WDR7: variants seen among roughly 807,000 people sequenced by gnomAD.
The protein encoded by WDR7 is WD repeat-containing protein 7.
A neutral mutation model predicts 169.4 loss-of-function variants in WDR7; 46 were observed. The ratio of observed to expected loss-of-function variants is 0.27; its 90% CI spans 0.21 to 0.35. The LOEUF is 0.35. WDR7 is among the 10% of genes least tolerant of loss of function. The pLI is 1.00. For missense variants in WDR7, 1,534 were observed against 1,859.3 expected (o/e 0.83, Z 3.22); for synonymous variants, 612 against 666.8 (o/e 0.92, Z 1.27).
At chr18:56,685,131 G>A (rs2025419551) in intron 5 of WDR7, among the ~76,000 whole-genome samples, 1 of 152,124 alleles carries the variant, frequency 6.6e-6, no homozygotes, top group Non-Finnish European at 1.5e-5. Flanking sequence ...TATTGATAAG[G>A]TTTTTATTTA....
chr18:56,974,362 C>CCTTTTTTT (rs754053234), intron 26 of WDR7, among the ~76,000 whole-genome samples: 2 of 111,816 alleles, frequency 1.8e-5, no homozygotes, highest in Non-Finnish European at 1.9e-5. Flanking sequence ...GCTTTTCTTG[C>CCTTTTTTT]TTTTTTTTTT....
chr18:56,823,920 A>G (rs1302273039), intron 20 of WDR7, among the ~76,000 whole-genome samples: 1 of 152,102 alleles, frequency 6.6e-6, no homozygotes, highest in South Asian at 2.1e-4. Context: ...TCATTCTCTT[A>G]TCTCATCCAG....
intron 14 of WDR7, among the ~76,000 whole-genome samples, chr18:56,746,326 A>G (rs1221654578): frequency 1.3e-5 from 2 of 152,212 alleles, no homozygotes; most frequent in African/African-American, 4.8e-5. Context: ...CTAAGCAGCA[A>G]TCAGCTCTGG....
intron 1 of WDR7, among the ~76,000 whole-genome samples, chr18:56,664,526 T>TC (rs1378701497): frequency 4.3e-5 from 2 of 46,644 alleles, no homozygotes; most frequent in African/African-American, 8.8e-5. Flanking sequence ...TTTTTTTTTT[T>TC]CTCCTTTTTT....
intron 21 of WDR7, among the ~76,000 whole-genome samples, chr18:56,888,258 A>G (rs1172288413): frequency 6.6e-6 from 1 of 152,190 alleles, no homozygotes; most frequent in Non-Finnish European, 1.5e-5. Context: ...CTTTTATGGG[A>G]GTTACACTTT....
At chr18:56,864,183 C>T (rs1477864239) in intron 20 of WDR7, among the ~76,000 whole-genome samples, 2 of 151,692 alleles carry the variant, frequency 1.3e-5, no homozygotes, top group African/African-American at 4.8e-5. Context: ...TAGAACATTT[C>T]TAAATATTAC....
At chr18:56,987,243 T>C (rs1033648872) in intron 26 of WDR7, among the ~76,000 whole-genome samples, 13 of 115,270 alleles carry the variant, frequency 1.1e-4, no homozygotes, top group African/African-American at 4.4e-4. Flanking sequence ...AACTGAGACA[T>C]AATCATCAGG....
intron 2 of WDR7, among the ~76,000 whole-genome samples, chr18:56,678,571 A>ACTGCAACC (rs2025291492): frequency 6.6e-6 from 1 of 151,942 alleles, no homozygotes; most frequent in Admixed American, 6.5e-5. Flanking sequence ...ATCTCGGCTC[A>ACTGCAACC]CTGCAACCTC....
At chr18:56,655,995 A>G (rs564064096) in intron 1 of WDR7, among the ~76,000 whole-genome samples, 61 of 152,152 alleles carry the variant, frequency 4.0e-4, no homozygotes, top group Admixed American at 1.1e-3. Flanking sequence ...ATTCACCTGC[A>G]TATCTGGGCT....
chr18:56,925,945 A>G (rs9946956), intron 22 of WDR7, among the ~76,000 whole-genome samples: 14,837 of 152,188 alleles, frequency 0.097, 2,345 homozygotes, highest in African/African-American at 0.33. Flanking sequence ...CTCCTAAGAT[A>G]TATTAAATGA....
Position 56,923,988 on chromosome 18 carries a change from G to A in WDR7, c.3593G>A (p.Arg1198Gln), listed in dbSNP as rs202150376. The A allele has an allele frequency of 2.8e-5, 45 of 1,611,520 alleles. No homozygotes were observed. The highest frequency in any genetic ancestry group is 6.7e-5 in the East Asian group (3 of 44,712). The stretch of plus-strand genomic sequence containing the variant: ...AAACTTCCTCCACACAGCACTATCC[G>A]AAGAACAGCCATTGATCTGATTGGA... Reference protein sequence around the residue: ...SPKLPPHSTIRRTAIDLIGRG... With the variant: ...SPKLPPHSTIQRTAIDLIGRG... The change falls in exon 22 of 28, where the codon CGA becomes CAA. Residue 1198 changes from arginine (R) to glutamine (Q), a missense_variant. Physicochemically the swap from Arg to Gln is conservative, Grantham distance 43. Transcript: ENST00000254442.
intron 21 of WDR7, among the ~76,000 whole-genome samples, chr18:56,897,813 T>C (rs952310279): frequency 2.0e-4 from 31 of 151,960 alleles, no homozygotes; most frequent in African/African-American, 7.2e-4. Flanking sequence ...AAGAAAAGGG[T>C]AGAATGAATC....
intron 21 of WDR7, among the ~76,000 whole-genome samples, chr18:56,914,764 C>T (rs7233130): frequency 0.012 from 1,823 of 152,248 alleles, 42 homozygotes; most frequent in African/African-American, 0.042. Flanking sequence ...AGGTAGAAGA[C>T]GGCTACATGC....
At chr18:56,937,153 C>G (rs528610601) in intron 23 of WDR7, among the ~76,000 whole-genome samples, 3 of 151,870 alleles carry the variant, frequency 2.0e-5, no homozygotes, top group Non-Finnish European at 4.4e-5. Context: ...GTTAGAATAC[C>G]CATGCTTTGA....
chr18:56,691,175 A>G (rs768242591), intron 7 of WDR7, 41 bp from the exon 8 acceptor site: 1 of 1,568,192 alleles, frequency 6.4e-7, no homozygotes, highest in Non-Finnish European at 8.6e-7. Flanking sequence ...TACTTTTTAC[A>G]ACAATATGGA....
chr18:56,656,061 TTG>T (rs146863846), intron 1 of WDR7, among the ~76,000 whole-genome samples: 1 of 151,964 alleles, frequency 6.6e-6, no homozygotes, highest in Non-Finnish European at 1.5e-5. Flanking sequence ...TTGTACAGTT[TTG>T]TGTGTGTGTG....
intron 14 of WDR7, among the ~76,000 whole-genome samples, chr18:56,740,490 A>G (rs984732429): frequency 1.3e-5 from 2 of 152,164 alleles, no homozygotes; most frequent in Admixed American, 6.5e-5. Context: ...AGGTAAAAAA[A>G]GTAGCTTGTT....
At chr18:56,908,652 A>C (rs1458169018) in intron 21 of WDR7, among the ~76,000 whole-genome samples, 1 of 152,180 alleles carries the variant, frequency 6.6e-6, no homozygotes, top group Non-Finnish European at 1.5e-5. Context: ...TTGGAGAAGT[A>C]ATTTTTCTCA....
At position 56,776,820 on chromosome 18, in the gene WDR7, C is replaced by T; in HGVS notation, c.2887C>T (p.His963Tyr). ...PVVSARSDAD[H>Y]SGSDPPSAPA... ...CGTTTCCGCTCGGTCTGATGCTGAT[C>T]ACTCTGGCTCTGACCCTCCTTCTGC... Residue 963 changes from histidine to tyrosine, a missense_variant, in exon 17 of 28, where the codon CAC becomes TAC. His to Tyr is a moderately conservative substitution (Grantham distance 83). Coordinates refer to ENST00000254442, the MANE Select transcript of WDR7 (RefSeq NM_015285.3). 6.2e-7 allele frequency: 1 copy of T among 1,613,970 alleles called. No individual in the cohort carries two copies. The highest frequency in any genetic ancestry group is 2.2e-5 in the East Asian group (1 of 44,872).
Sources: allele counts gnomAD v4.1 joint callset (sites outside exome capture counted in the v4.1 genomes callset), GRCh38; gene constraint gnomAD v4.1.1; transcripts MANE v1.5; gene names NCBI Gene and HGNC (gene_info 2026-07-23, HGNC 2026-07-21).